Variants in CNNM2 observed in about 807,000 individuals in gnomAD.
The protein encoded by CNNM2 is cyclin and CBS domain divalent metal cation transport mediator 2.
A neutral mutation model predicts 66.9 loss-of-function variants in CNNM2; 12 were observed. That is an observed-to-expected ratio of 0.18 (90% CI 0.11 to 0.29). The LOEUF (loss-of-function observed/expected upper bound fraction) is 0.29. CNNM2 is among the 10% of genes least tolerant of loss of function. CNNM2 has a pLI of 1.00. For synonymous variants in CNNM2, 557 were observed against 501.8 expected (o/e 1.11, Z -1.47); for missense variants, 705 against 1,167.7 (o/e 0.60, Z 5.77).
At chr10:102,977,454 A>C (rs2063652828) in intron 1 of CNNM2, among the ~76,000 whole-genome samples, 2 of 152,162 alleles carry the variant, frequency 1.3e-5, no homozygotes, top group African/African-American at 4.8e-5. Context: ...TTTGTTTCTC[A>C]AATTGTAGTT....
intron 1 of CNNM2, among the ~76,000 whole-genome samples, chr10:102,970,615 A>T (rs533571629): frequency 1.2e-4 from 18 of 152,122 alleles, no homozygotes; most frequent in African/African-American, 4.3e-4. Context: ...CCTTTTTTAG[A>T]GATAGGGTCT....
At chr10:102,939,037 G>T (rs1846338909) in intron 1 of CNNM2, among the ~76,000 whole-genome samples, 1 of 152,152 alleles carries the variant, frequency 6.6e-6, no homozygotes, top group Non-Finnish European at 1.5e-5. Context: ...CAAAAAGTCA[G>T]CAGTTATTAC....
chr10:102,985,987 C>T (rs2063791475), intron 1 of CNNM2, among the ~76,000 whole-genome samples: 1 of 152,134 alleles, frequency 6.6e-6, no homozygotes, highest in Admixed American at 6.6e-5. Flanking sequence ...TGCACCTTAC[C>T]TCCAGACCAT....
chr10:102,921,186 A>G, intron 1 of CNNM2: 1 of 332,550 alleles, frequency 3.0e-6, no homozygotes, highest in Non-Finnish European at 4.3e-6. Context: ...TTTGAAAACC[A>G]AGGGATGCTG....
At chr10:102,939,282 C>T (rs989723832) in intron 1 of CNNM2, among the ~76,000 whole-genome samples, 3 of 152,204 alleles carry the variant, frequency 2.0e-5, no homozygotes, top group Non-Finnish European at 2.9e-5. Flanking sequence ...CTTAGGGGAT[C>T]ATTAGCTGTC....
intron 1 of CNNM2, among the ~76,000 whole-genome samples, chr10:103,048,949 G>A (rs1467760698): frequency 6.6e-6 from 1 of 151,720 alleles, no homozygotes; most frequent in East Asian, 1.9e-4. Flanking sequence ...TCGAACTCCT[G>A]GATCCTCCCA....
intron 1 of CNNM2, among the ~76,000 whole-genome samples, chr10:102,952,051 C>T (rs1021993841): frequency 4.3e-4 from 66 of 152,072 alleles, no homozygotes; most frequent in Non-Finnish European, 9.1e-4. Flanking sequence ...GATCCACCCA[C>T]CTCGGCCTCC....
chr10:102,920,008 C>T lies in CNNM2; in HGVS notation c.1528C>T (p.Pro510Ser), dbSNP rs766784112. ...CTTCGTGGATCCCGATGACTGTACC[C>T]CCCTGAAAACCATCACCAAATTTTA... ...LAFVDPDDCT[P>S]LKTITKFYNH... The change falls in exon 1 of 8, where the codon CCC becomes TCC. Residue 510 changes from proline to serine, a missense_variant. This residue lies in a region of CNNM2 where 171 missense variants were observed against 304.8 expected (regional missense o/e 0.56). Coordinates refer to ENST00000369878, the MANE Select transcript of CNNM2 (RefSeq NM_017649.5). 5 of 1,614,078 alleles carry T rather than the reference C, an allele frequency of 3.1e-6. No homozygotes were observed. The highest frequency in any genetic ancestry group is 1.7e-5 in the Admixed American group (1 of 60,006).
chr10:103,064,942 G>A (rs1465063818), intron 4 of CNNM2, among the ~76,000 whole-genome samples: 2 of 152,186 alleles, frequency 1.3e-5, no homozygotes, highest in African/African-American at 4.8e-5. Context: ...CTGTAGAGGT[G>A]CGTCTTACTG....
intron 4 of CNNM2, among the ~76,000 whole-genome samples, chr10:103,059,673 AC>A (rs1294265820): frequency 6.6e-6 from 1 of 152,258 alleles, no homozygotes; most frequent in African/African-American, 2.4e-5. Flanking sequence ...AAATAACTTA[AC>A]AAAATACGTA....
chr10:103,036,128 G>GACAC lies in CNNM2; in HGVS notation c.1622-13562_1622-13559dup, dbSNP rs140473396. 3.1e-3 allele frequency among the ~76,000 whole-genome samples: 458 copies of GACAC among 150,158 alleles called. 4 individuals are homozygous for GACAC. Among genetic ancestry groups the GACAC allele is most frequent in the African/African-American group, 9.4e-3 (385 of 40,968 alleles). On this transcript the variant is annotated intron_variant, in intron 1 of 7. Coordinates refer to ENST00000369878, the MANE Select transcript of CNNM2 (RefSeq NM_017649.5). ...CCAACCAGAGAAACAAAACCAATAG[G>GACAC]ACACACACACACACACACACTCTTT...
chr10:103,007,982 G>A (rs540579432), intron 1 of CNNM2, among the ~76,000 whole-genome samples: 28 of 152,264 alleles, frequency 1.8e-4, no homozygotes, highest in Admixed American at 5.9e-4. Context: ...CGGTCCCTCC[G>A]TTCGGGGTCC....
At position 103,068,710 on chromosome 10, in the gene CNNM2, A is replaced by T. The variant is rs185975284; in HGVS notation, c.2155A>T (p.Thr719Ser). Residue 719 changes from threonine to serine, a missense_variant, in exon 5 of 8, where the codon ACA becomes TCA. This residue lies in a region of CNNM2 where 194 missense variants were observed against 227.6 expected (regional missense o/e 0.85). Transcript: ENST00000369878. ...AFSYYGVMALTASPVPLSLSR... is the reference protein window; with the variant it reads ...AFSYYGVMALSASPVPLSLSR... ...CTCATACTATGGCGTGATGGCCCTG[A>T]CAGCCTCTCCAGGTATGTTTGGTTC... 6.2e-7 allele frequency: 1 copy of T among 1,612,324 alleles called. No individual in the cohort carries two copies. Among genetic ancestry groups the T allele is most frequent in the Non-Finnish European group, 8.5e-7 (1 of 1,179,308 alleles).
rs1325773518 is a variant in CNNM2, at chr10:103,083,747, A to ATGCCC, written c.*6567_*6568insTGCCC. On this transcript the variant is annotated 3_prime_UTR_variant, in exon 8 of 8. Transcript: ENST00000369878. ...GACATTGGCTGCTCAGTCACTAATA[A>ATGCCC]CAACACACAGTGCCGCTGGGCTAAG... 6.6e-6 allele frequency: 1 copy of ATGCCC among 152,184 alleles called. No homozygotes were observed. Among genetic ancestry groups the ATGCCC allele is most frequent in the Non-Finnish European group, 1.5e-5 (1 of 68,046 alleles). The allele number at this position is 152,184 out of a possible 1,614,324, so 9.4% of individuals were successfully genotyped here.
At chr10:103,043,622 T>C (rs1564858205) in intron 1 of CNNM2, among the ~76,000 whole-genome samples, 1 of 152,166 alleles carries the variant, frequency 6.6e-6, no homozygotes. Flanking sequence ...AAACTTTAAT[T>C]TGTGGAGCAG....
intron 1 of CNNM2, among the ~76,000 whole-genome samples, chr10:102,965,042 G>C (rs1227525788): frequency 6.6e-6 from 1 of 152,170 alleles, no homozygotes; most frequent in Non-Finnish European, 1.5e-5. Flanking sequence ...TGGAGGCAGA[G>C]ACCGTGCCCC....
intron 1 of CNNM2, among the ~76,000 whole-genome samples, chr10:102,942,346 A>T (rs949692817): frequency 6.6e-6 from 1 of 152,220 alleles, no homozygotes; most frequent in African/African-American, 2.4e-5. Flanking sequence ...GCCCATGGCA[A>T]CCAATGTTCT....
At chr10:102,931,648 C>T (rs540956991) in intron 1 of CNNM2, among the ~76,000 whole-genome samples, 6 of 151,992 alleles carry the variant, frequency 3.9e-5, no homozygotes, top group South Asian at 2.1e-4. Context: ...TGAGTCACAG[C>T]GCCCGGCCAT....
At chr10:102,975,537 T>G (rs2063616145) in intron 1 of CNNM2, among the ~76,000 whole-genome samples, 2 of 150,204 alleles carry the variant, frequency 1.3e-5, no homozygotes, top group South Asian at 4.2e-4. Flanking sequence ...GATACAGTGG[T>G]AAGAACCTGC....
Sources: gnomAD v4.1 joint callset for allele counts (sites outside exome capture counted in the v4.1 genomes callset) on GRCh38, gnomAD v4.1.1 for gene constraint, gnomAD v4.1.1 regional missense constraint, MANE v1.5 for transcripts, NCBI Gene and HGNC (gene_info 2026-07-23, HGNC 2026-07-21) for gene names.